IGF1R: variants seen among roughly 807,000 people sequenced by gnomAD.
The protein encoded by IGF1R is insulin like growth factor 1 receptor, also known as insulin-like growth factor 1 receptor.
In IGF1R, 44 loss-of-function variants were observed where a neutral mutation model predicts 144.6. The ratio of observed to expected loss-of-function variants is 0.30; its 90% confidence interval spans 0.24 to 0.39. IGF1R has a LOEUF of 0.39. Ranked by LOEUF, IGF1R falls within the 10% of genes least tolerant of loss-of-function variation. The pLI, the probability that IGF1R is intolerant of heterozygous loss-of-function variation, is 1.00. For synonymous variants in IGF1R, 795 were observed against 722.8 expected (o/e 1.10, Z -1.60); for missense variants, 1,355 against 1,833.7 (o/e 0.74, Z 4.77).
chr15:98,844,704 G>C (rs2011248125), intron 2 of IGF1R, among the ~76,000 whole-genome samples: 1 of 152,020 alleles, frequency 6.6e-6, no homozygotes, highest in Admixed American at 6.6e-5. Flanking sequence ...GAGAAAGTGA[G>C]AGATTATGGA....
chr15:98,820,149 C>T (rs2056774745), intron 2 of IGF1R, among the ~76,000 whole-genome samples: 3 of 152,202 alleles, frequency 2.0e-5, no homozygotes, highest in African/African-American at 4.8e-5. Context: ...TAGTCCTTCA[C>T]GGATAGTTCA....
At chr15:98,669,176 G>A (rs868252706) in intron 1 of IGF1R, among the ~76,000 whole-genome samples, 39 of 152,250 alleles carry the variant, frequency 2.6e-4, no homozygotes, top group African/African-American at 7.7e-4. Context: ...CCACTGGCTC[G>A]GCTCCGTGCG....
chr15:98,828,575 T>C (rs1421930035), intron 2 of IGF1R, among the ~76,000 whole-genome samples: 5 of 152,108 alleles, frequency 3.3e-5, no homozygotes, highest in Admixed American at 3.3e-4. Flanking sequence ...GCGCAGACTT[T>C]TCAAAACCCC....
intron 2 of IGF1R, among the ~76,000 whole-genome samples, chr15:98,733,279 A>G (rs942529645): frequency 2.0e-5 from 3 of 152,056 alleles, no homozygotes; most frequent in Non-Finnish European, 2.9e-5. Flanking sequence ...AGTAGAGGCA[A>G]TCATGGCTTA....
At chr15:98,844,439 A>G (rs1057281750) in intron 2 of IGF1R, among the ~76,000 whole-genome samples, 4 of 152,134 alleles carry the variant, frequency 2.6e-5, no homozygotes, top group African/African-American at 4.8e-5. Context: ...ACTCCCTGCC[A>G]AAAAAACTAT....
At chr15:98,677,264 G>C (rs2053071403) in intron 1 of IGF1R, among the ~76,000 whole-genome samples, 1 of 152,140 alleles carries the variant, frequency 6.6e-6, no homozygotes, top group Non-Finnish European at 1.5e-5. Context: ...GTGATTATTG[G>C]TTGTGTGTGA....
intron 2 of IGF1R, among the ~76,000 whole-genome samples, chr15:98,804,654 A>G (rs1472142816): frequency 1.3e-5 from 2 of 152,212 alleles, no homozygotes; most frequent in Non-Finnish European, 2.9e-5. Flanking sequence ...TAAGACCGTC[A>G]TCATGGACAC....
intron 2 of IGF1R, among the ~76,000 whole-genome samples, chr15:98,876,875 C>T (rs752487892): frequency 1.3e-5 from 2 of 152,164 alleles, no homozygotes; most frequent in Admixed American, 6.5e-5. Context: ...CTTTGAAAGT[C>T]TAGTTGATCT....
chr15:98,711,719 T>C (rs1232394766), intron 2 of IGF1R, among the ~76,000 whole-genome samples: 2 of 152,182 alleles, frequency 1.3e-5, no homozygotes, highest in East Asian at 1.9e-4. Flanking sequence ...CAGGTGCCGC[T>C]TCTCTGTCTC....
At chr15:98,853,863 T>G (rs1441493625) in intron 2 of IGF1R, among the ~76,000 whole-genome samples, 1 of 152,186 alleles carries the variant, frequency 6.6e-6, no homozygotes, top group Non-Finnish European at 1.5e-5. Flanking sequence ...ATGTAAGGCG[T>G]GGCCTGGGTG....
chr15:98,803,857 A>G (rs544456289), intron 2 of IGF1R, among the ~76,000 whole-genome samples: 1 of 152,326 alleles, frequency 6.6e-6, no homozygotes, highest in East Asian at 1.9e-4. Context: ...ATAACTATAA[A>G]AAGTATAGTA....
chr15:98,881,764 T>C (rs8042803), intron 2 of IGF1R, among the ~76,000 whole-genome samples: 49,804 of 151,880 alleles, frequency 0.33, 9,040 homozygotes, highest in East Asian at 0.56. Flanking sequence ...GCTCTTGGTG[T>C]GAACATTTGG....
chr15:98,726,916 T>A (rs893278554), intron 2 of IGF1R, among the ~76,000 whole-genome samples: 1 of 152,022 alleles, frequency 6.6e-6, no homozygotes, highest in Admixed American at 6.6e-5. Context: ...AGATGGGGTT[T>A]CACCATGTTG....
intron 1 of IGF1R, among the ~76,000 whole-genome samples, chr15:98,691,652 C>T (rs1454276024): frequency 6.6e-6 from 1 of 151,998 alleles, no homozygotes; most frequent in African/African-American, 2.4e-5. Context: ...TGTGAGCCAC[C>T]CTGCCCGGCC....
intron 2 of IGF1R, among the ~76,000 whole-genome samples, chr15:98,874,708 G>A (rs1170366333): frequency 1.3e-5 from 2 of 152,150 alleles, no homozygotes; most frequent in African/African-American, 2.4e-5. Flanking sequence ...TCCAGAATTC[G>A]AAGACCCCTT....
intron 2 of IGF1R, among the ~76,000 whole-genome samples, chr15:98,709,036 C>T (rs1427515542): frequency 6.6e-6 from 1 of 152,162 alleles, no homozygotes; most frequent in African/African-American, 2.4e-5. Flanking sequence ...CACCTTATTG[C>T]ATTCAGCAAT....
chr15:98,856,245 C>G (rs1190693113), intron 2 of IGF1R, among the ~76,000 whole-genome samples: 1 of 152,224 alleles, frequency 6.6e-6, no homozygotes, highest in East Asian at 1.9e-4. Flanking sequence ...TCCTTGTAGA[C>G]GAGGACAATC....
At chr15:98,788,653 G>GC (rs1376916692) in intron 2 of IGF1R, among the ~76,000 whole-genome samples, 20 of 152,314 alleles carry the variant, frequency 1.3e-4, no homozygotes, top group Admixed American at 1.2e-3. Context: ...CCTTGATTGG[G>GC]CTACCCAAGG....
intron 1 of IGF1R, among the ~76,000 whole-genome samples, chr15:98,674,977 A>ATTTTTTTTTT (rs71149408): frequency 2.9e-4 from 29 of 98,900 alleles, no homozygotes; most frequent in African/African-American, 1.1e-3. Flanking sequence ...GTATTTTACA[A>ATTTTTTTTTT]TTTTTTTTTT....
Sources: allele counts gnomAD v4.1 joint callset (sites outside exome capture counted in the v4.1 genomes callset), GRCh38; gene constraint gnomAD v4.1.1; transcripts MANE v1.5; gene names NCBI Gene and HGNC (gene_info 2026-07-23, HGNC 2026-07-21).